Variants in TENM2 observed in about 807,000 individuals in gnomAD.
TENM2 encodes teneurin-2.
In TENM2, 52 loss-of-function variants were observed where a neutral mutation model predicts 245.2. That is an observed-to-expected ratio of 0.21 (90% CI 0.17 to 0.27). The LOEUF is 0.27. Ranked by LOEUF, TENM2 falls within the 10% of genes least tolerant of loss-of-function variation. The probability of loss-of-function intolerance (pLI) is 1.00; values close to 1 mark genes in which losing one functional copy is unlikely to be tolerated. For missense variants in TENM2, 3,046 were observed against 3,666.8 expected (o/e 0.83, Z 4.37); for synonymous variants, 1,363 against 1,438.9 (o/e 0.95, Z 1.19).
intron 7 of TENM2, among the ~76,000 whole-genome samples, chr5:168,080,615 A>T (rs995918890): frequency 6.6e-6 from 1 of 151,994 alleles, no homozygotes; most frequent in African/African-American, 2.4e-5. Flanking sequence ...TGTCCCAGAG[A>T]TTCTGGTATG....
chr5:167,781,159 A>G (rs1257778974), intron 2 of TENM2, among the ~76,000 whole-genome samples: 2 of 152,088 alleles, frequency 1.3e-5, no homozygotes, highest in Non-Finnish European at 2.9e-5. Context: ...AAAAATGCAC[A>G]TGTTAGCTGG....
the TENM2 span, among the ~76,000 whole-genome samples, chr5:167,045,987 G>T: frequency 2.0e-5 from 3 of 152,216 alleles, no homozygotes; most frequent in Non-Finnish European, 4.4e-5. Context: ...TAGAGAGATA[G>T]ATCAATTGCC....
chr5:167,341,323 C>T (rs190423481), intron 1 of TENM2, among the ~76,000 whole-genome samples: 1 of 152,102 alleles, frequency 6.6e-6, no homozygotes, highest in Admixed American at 6.5e-5. Context: ...CTTTCTGCTG[C>T]TGATGGATTT....
chr5:167,124,382 T>G, the TENM2 span, among the ~76,000 whole-genome samples: 2 of 152,196 alleles, frequency 1.3e-5, no homozygotes, highest in African/African-American at 4.8e-5. Flanking sequence ...TGAGATGTAA[T>G]TATTTATGGA....
intron 2 of TENM2, among the ~76,000 whole-genome samples, chr5:167,845,033 A>G (rs557477502): frequency 6.6e-6 from 1 of 152,130 alleles, no homozygotes; most frequent in African/African-American, 2.4e-5. Flanking sequence ...GATGCACTGT[A>G]TTATGGACCA....
intron 2 of TENM2, among the ~76,000 whole-genome samples, chr5:167,667,102 G>A (rs1489523678): frequency 2.0e-5 from 3 of 152,162 alleles, no homozygotes; most frequent in South Asian, 4.1e-4. Flanking sequence ...AAATTCTTTG[G>A]TGGAGAAGGA....
At chr5:168,203,557 CTT>C in intron 17 of TENM2, 130 bp from the exon 20 acceptor site, 3 of 882,150 alleles carry the variant, frequency 3.4e-6, no homozygotes, top group Non-Finnish European at 4.9e-6. Flanking sequence ...CAGCCTGCCT[CTT>C]TGAGTGAGTT....
chr5:167,072,756 C>A, the TENM2 span, among the ~76,000 whole-genome samples: 1 of 152,072 alleles, frequency 6.6e-6, no homozygotes, highest in African/African-American at 2.4e-5. Context: ...ATGGTATTAG[C>A]CAGTAAATAT....
chr5:167,773,729 T>A (rs1342077558), intron 2 of TENM2, among the ~76,000 whole-genome samples: 1 of 150,078 alleles, frequency 6.7e-6, no homozygotes, highest in Non-Finnish European at 1.5e-5. Flanking sequence ...GCTGAAAGCA[T>A]TTTTTTTTTA....
chr5:167,122,035 A>G, the TENM2 span, among the ~76,000 whole-genome samples: 1 of 152,106 alleles, frequency 6.6e-6, no homozygotes, highest in South Asian at 2.1e-4. Context: ...TTTTTTCCAG[A>G]TGGATAAAAT....
rs116805111 is a variant in TENM2, at chr5:167,595,630, G to A, written c.502+220157G>A. Among the ~76,000 whole-genome samples the A allele has an allele frequency of 5.9e-5, 9 of 152,302 alleles. No individual in the cohort carries two copies. The East Asian group carries it at 9.7e-4, about 16-fold the overall frequency. On this transcript the variant is annotated intron_variant, in intron 2 of 28. Transcript: ENST00000518659. ...ATAAATAGAGAGCCATTTGGATTTC[G>A]TTAGTTGTTTAGTATTCCTTTAGCA...
intron 25 of TENM2, among the ~76,000 whole-genome samples, chr5:168,233,256 T>TCGGAGGTTGCAGGGAGC (rs1447083781): frequency 6.6e-6 from 1 of 150,756 alleles, no homozygotes; most frequent in Admixed American, 6.6e-5. Flanking sequence ...AACCAGGGAG[T>TCGGAGGTTGCAGGGAGC]CGGAGGTTGC....
chr5:167,139,644 G>T, the TENM2 span, among the ~76,000 whole-genome samples: 2 of 152,256 alleles, frequency 1.3e-5, no homozygotes, highest in African/African-American at 4.8e-5. Flanking sequence ...GCTAATGGTT[G>T]TGTGTGTATT....
chr5:167,507,849 T>C (rs1769659869), intron 2 of TENM2, among the ~76,000 whole-genome samples: 1 of 152,170 alleles, frequency 6.6e-6, no homozygotes, highest in Non-Finnish European at 1.5e-5. Flanking sequence ...TTTTTCTTTT[T>C]TTAATGAAAT....
intron 2 of TENM2, among the ~76,000 whole-genome samples, chr5:167,749,964 C>CG (rs958444412): frequency 6.6e-5 from 10 of 152,082 alleles, no homozygotes; most frequent in Admixed American, 6.6e-4. Flanking sequence ...TGATAAAATC[C>CG]TCTTCACCAT....
At chr5:168,058,360 T>A (rs1254435577) in intron 6 of TENM2, among the ~76,000 whole-genome samples, 2 of 152,206 alleles carry the variant, frequency 1.3e-5, no homozygotes, top group Non-Finnish European at 2.9e-5. Flanking sequence ...TAGAGATGAA[T>A]CTGCATCTCT....
chr5:167,151,875 G>A, the TENM2 span, among the ~76,000 whole-genome samples: 1 of 152,154 alleles, frequency 6.6e-6, no homozygotes, highest in South Asian at 2.1e-4. Flanking sequence ...TTTCCATGCT[G>A]TGGGAGGTCA....
chr5:167,709,624 G>A (rs1445705107), intron 2 of TENM2, among the ~76,000 whole-genome samples: 1 of 152,170 alleles, frequency 6.6e-6, no homozygotes, highest in Non-Finnish European at 1.5e-5. Context: ...CAGGTTCTCT[G>A]TCTCTTTCTC....
At chr5:167,448,754 C>A (rs145062190) in intron 2 of TENM2, among the ~76,000 whole-genome samples, 1 of 151,794 alleles carries the variant, frequency 6.6e-6, no homozygotes, top group Non-Finnish European at 1.5e-5. Flanking sequence ...AATAGGAACT[C>A]GAATTCCTTA....
Sources: gnomAD v4.1 joint callset for allele counts (sites outside exome capture counted in the v4.1 genomes callset) on GRCh38, gnomAD v4.1.1 for gene constraint, MANE v1.5 for transcripts, NCBI Gene and HGNC (gene_info 2026-07-23, HGNC 2026-07-21) for gene names.